BTF3L4: variants seen among roughly 807,000 people sequenced by gnomAD.
The protein encoded by BTF3L4 is transcription factor BTF3 homolog 4.
A neutral mutation model predicts 16.8 loss-of-function variants in BTF3L4; 6 were observed. That is an observed-to-expected ratio of 0.36 (90% confidence interval 0.20 to 0.71). The LOEUF (loss-of-function observed/expected upper bound fraction) is 0.71, where lower values mean the gene tolerates loss of function less well. BTF3L4 is among the 30% of genes least tolerant of loss of function. BTF3L4 has a pLI of 0.58. For missense variants in BTF3L4, 92 were observed against 186.9 expected (o/e 0.49, Z 2.96); for synonymous variants, 39 against 59.8 (o/e 0.65, Z 1.60).
At chr1:52,060,365 C>A in intron 2 of BTF3L4, 1 of 785,204 alleles carries the variant, frequency 1.3e-6, no homozygotes, top group Non-Finnish European at 1.8e-6. Flanking sequence ...CTGGATGTTA[C>A]CTACTTGTAC....
intron 2 of BTF3L4, among the ~76,000 whole-genome samples, chr1:52,064,251 A>G (rs1686590149): frequency 6.6e-6 from 1 of 152,174 alleles, no homozygotes; most frequent in South Asian, 2.1e-4. Flanking sequence ...TGGACCTTCT[A>G]ATAAAGTATT....
intron 3 of BTF3L4, among the ~76,000 whole-genome samples, chr1:52,079,402 G>T (rs1038908597): frequency 7.1e-6 from 1 of 140,988 alleles, no homozygotes; most frequent in Non-Finnish European, 1.6e-5. Context: ...AAAAAAGAAA[G>T]AAAATATTCT....
intron 5 of BTF3L4, 180 bp downstream of exon 5, chr1:52,086,351 A>G (rs1643973036): frequency 4.0e-6 from 2 of 498,150 alleles, no homozygotes; most frequent in Non-Finnish European, 3.5e-6. Context: ...ACCTAGAATC[A>G]GAAATTGTCA....
At chr1:52,061,687 C>T (rs1180794078) in intron 2 of BTF3L4, among the ~76,000 whole-genome samples, 1 of 125,874 alleles carries the variant, frequency 7.9e-6, no homozygotes, top group Non-Finnish European at 1.6e-5. Context: ...GTTGCCCAGG[C>T]TGGAGTTCAA....
intron 3 of BTF3L4, among the ~76,000 whole-genome samples, chr1:52,073,228 G>T (rs971651107): frequency 2.6e-5 from 4 of 152,048 alleles, no homozygotes. Context: ...AGGTTGCAGT[G>T]AGCTGAGGCC....
At chr1:52,074,002 A>T (rs1225847579) in intron 3 of BTF3L4, among the ~76,000 whole-genome samples, 7 of 151,874 alleles carry the variant, frequency 4.6e-5, no homozygotes, top group Admixed American at 4.6e-4. Context: ...ATCTCAAAAA[A>T]AGAAAAAAAT....
At chr1:52,061,662 C>T (rs1166983407) in intron 2 of BTF3L4, among the ~76,000 whole-genome samples, 15 of 74,690 alleles carry the variant, frequency 2.0e-4, no homozygotes, top group African/African-American at 2.0e-4. Context: ...TTTTTTGAGA[C>T]GGAGTTTTGG....
At chr1:52,073,081 G>A (rs1157449582) in intron 3 of BTF3L4, among the ~76,000 whole-genome samples, 1 of 151,872 alleles carries the variant, frequency 6.6e-6, no homozygotes, top group Non-Finnish European at 1.5e-5. Context: ...AATTGGCTGG[G>A]CGTGGTGGTG....
chr1:52,078,418 A>C (rs1480463666), intron 3 of BTF3L4, among the ~76,000 whole-genome samples: 2 of 151,962 alleles, frequency 1.3e-5, no homozygotes, highest in East Asian at 3.8e-4. Context: ...AGCAGATTTG[A>C]GTGATTATTA....
At chr1:52,059,941 A>C (rs1223244711) in intron 2 of BTF3L4, 40 bp downstream of exon 2, 1 of 1,554,354 alleles carries the variant, frequency 6.4e-7, no homozygotes, top group South Asian at 1.1e-5. Context: ...AGAATGTATG[A>C]TTACCAGATA....
At chr1:52,058,604 C>CTT (rs554662650) in intron 1 of BTF3L4, among the ~76,000 whole-genome samples, 4 of 141,278 alleles carry the variant, frequency 2.8e-5, no homozygotes, top group East Asian at 2.0e-4. Context: ...TTTAATTTGG[C>CTT]TTTTTTTTTT....
At chr1:52,077,039 A>G (rs1261997070) in intron 3 of BTF3L4, among the ~76,000 whole-genome samples, 2 of 152,096 alleles carry the variant, frequency 1.3e-5, no homozygotes, top group Non-Finnish European at 2.9e-5. Context: ...ATGGTGGCAC[A>G]TGCCTGTAGT....
At chr1:52,071,538 G>T (rs1451836926) in intron 3 of BTF3L4, among the ~76,000 whole-genome samples, 1 of 152,190 alleles carries the variant, frequency 6.6e-6, no homozygotes, top group African/African-American at 2.4e-5. Context: ...TGATGAGTTT[G>T]CTTAGAACCT....
chr1:52,086,102 C>CTT lies in BTF3L4; in HGVS notation c.371-6_371-5dup. ...TCTCAATGACTAATATTAAAATAAA[C>CTT]TTTTTGTAGTCTTGGACAGTAAAGC... On this transcript the variant is annotated splice_polypyrimidine_tract_variant and intron_variant, in intron 4 of 5. Coordinates refer to ENST00000313334, the MANE Select transcript of BTF3L4 (RefSeq NM_152265.5). 6.3e-7 allele frequency: 1 copy of CTT among 1,581,866 alleles called. No individual in the cohort carries two copies. Among genetic ancestry groups the CTT allele is most frequent in the Non-Finnish European group, 8.6e-7 (1 of 1,163,626 alleles).
chr1:52,078,372 G>A (rs1686985679), intron 3 of BTF3L4, among the ~76,000 whole-genome samples: 1 of 151,680 alleles, frequency 6.6e-6, no homozygotes, highest in African/African-American at 2.4e-5. Context: ...CATGATTTTA[G>A]AATAAATTGT....
rs3991108 is a variant in BTF3L4 at position 52,088,913 on chromosome 1, A to ATTTTTTTTTTTTTTTTTTTTT, written c.*2173_*2174insTTTTTTTTTTTTTTTTTTTTT. 7.8e-6 allele frequency: 1 copy of ATTTTTTTTTTTTTTTTTTTTT among 128,670 alleles called. No individual in the cohort carries two copies. The highest frequency in any genetic ancestry group is 1.7e-5 in the Non-Finnish European group (1 of 60,506). The allele number at this position is 128,670 out of a possible 1,614,324, so 8.0% of individuals were successfully genotyped here. A position where few individuals can be genotyped will look rare whatever the true frequency, so the allele number is the denominator to read the frequency against. ...TGTCTCAGCCTCCACAGTAGCTGGG[A>ATTTTTTTTTTTTTTTTTTTTT]TTTTTTTTTTTTTTTTTTGTATTTT... is the stretch of plus-strand genomic sequence containing the variant. On this transcript the variant is annotated 3_prime_UTR_variant, in exon 6 of 6. Coordinates refer to ENST00000313334, the MANE Select transcript of BTF3L4 (RefSeq NM_152265.5).
chr1:52,066,340 C>T (rs151066332), intron 3 of BTF3L4, among the ~76,000 whole-genome samples: 1,607 of 151,278 alleles, frequency 0.011, 14 homozygotes, highest in Non-Finnish European at 0.017. Context: ...TACAGGCGCC[C>T]ACCACCACAC....
At chr1:52,062,500 G>A (rs1050357195) in intron 2 of BTF3L4, among the ~76,000 whole-genome samples, 2 of 151,914 alleles carry the variant, frequency 1.3e-5, no homozygotes, top group East Asian at 1.9e-4. Flanking sequence ...GCGCTCGGCC[G>A]GTACAGCTGT....
At chr1:52,072,512 A>C (rs1305430914) in intron 3 of BTF3L4, among the ~76,000 whole-genome samples, 1 of 152,108 alleles carries the variant, frequency 6.6e-6, no homozygotes, top group African/African-American at 2.4e-5. Context: ...GGTAACCGCC[A>C]ATCTACTTTC....
Sources: gnomAD v4.1 joint callset for allele counts (sites outside exome capture counted in the v4.1 genomes callset) on GRCh38, gnomAD v4.1.1 for gene constraint, MANE v1.5 for transcripts, NCBI Gene and HGNC (gene_info 2026-07-23, HGNC 2026-07-21) for gene names.